The following CALN1 variants were observed in gnomAD, a reference collection of about 807,000 sequenced individuals.
The protein encoded by CALN1 is calneuron 1.
Under a neutral mutation model 30.6 loss-of-function variants are expected in CALN1, and 17 were observed. That is an observed-to-expected ratio of 0.56 (90% CI 0.38 to 0.83). The LOEUF (loss-of-function observed/expected upper bound fraction) is 0.83. CALN1 is among the 40% of genes least tolerant of loss of function. CALN1 has a pLI of 0.00. For missense variants in CALN1, 291 were observed against 354.9 expected, an observed-to-expected ratio of 0.82 and a Z score of 1.45; for synonymous variants, 156 against 131.4, an observed-to-expected ratio of 1.19 and a Z score of -1.28.
chr7:72,175,089 T>C (rs908766694), intron 3 of CALN1, among the ~76,000 whole-genome samples: 2 of 152,074 alleles, frequency 1.3e-5, no homozygotes, highest in Non-Finnish European at 2.9e-5. Flanking sequence ...TTTTTTTTTT[T>C]TTGAGACAGA....
At chr7:72,071,968 T>G (rs1804425899) in intron 4 of CALN1, among the ~76,000 whole-genome samples, 1 of 152,034 alleles carries the variant, frequency 6.6e-6, no homozygotes, top group Admixed American at 6.6e-5. Context: ...TAAAGGAAAT[T>G]ATCACTTCTT....
intron 4 of CALN1, among the ~76,000 whole-genome samples, chr7:72,090,070 G>A (rs1805749131): frequency 6.6e-6 from 1 of 152,172 alleles, no homozygotes; most frequent in African/African-American, 2.4e-5. Context: ...GGCCAAGGTG[G>A]GCAGATCGCT....
At chr7:71,798,916 G>A (rs549165326) in intron 6 of CALN1, among the ~76,000 whole-genome samples, 7 of 152,182 alleles carry the variant, frequency 4.6e-5, no homozygotes, top group Admixed American at 2.0e-4. Flanking sequence ...GAGCCACCAC[G>A]CCCAGCTGAG....
intron 4 of CALN1, among the ~76,000 whole-genome samples, chr7:72,047,368 G>T (rs993206194): frequency 6.6e-6 from 1 of 152,092 alleles, no homozygotes; most frequent in African/African-American, 2.4e-5. Context: ...GGAGATCGAG[G>T]TGAGAGGCTG....
At position 71,819,691 on chromosome 7, in the gene CALN1, TTTTG is replaced by T. The variant is rs372907166; in HGVS notation, c.502-9203_502-9200del. ...CAAACCCAACAACCACCACTCTATT[TTTTG>T]TTTCTCTGTGTCTTTGACTTTTTTA... On this transcript the variant is annotated intron_variant, in intron 5 of 6. Coordinates refer to ENST00000395275, the MANE Select transcript of CALN1 (RefSeq NM_031468.4). 3.7e-3 allele frequency among the ~76,000 whole-genome samples: 556 copies of T among 152,304 alleles called. 4 individuals are homozygous for T. The highest frequency in any genetic ancestry group is 0.012 in the African/African-American group (517 of 41,576).
chr7:72,108,005 A>G, intron 3 of CALN1, among the ~76,000 whole-genome samples: 1 of 152,208 alleles, frequency 6.6e-6, no homozygotes, highest in Non-Finnish European at 1.5e-5. Flanking sequence ...TTGGTGATTT[A>G]AGACAATAGA....
At chr7:71,951,689 T>G (rs1352925546) in intron 5 of CALN1, among the ~76,000 whole-genome samples, 3 of 152,222 alleles carry the variant, frequency 2.0e-5, no homozygotes, top group Non-Finnish European at 4.4e-5. Context: ...AGGAGTCTGG[T>G]CTGCTATAGC....
intron 5 of CALN1, among the ~76,000 whole-genome samples, chr7:71,898,523 G>A (rs576093758): frequency 5.9e-5 from 9 of 152,214 alleles, no homozygotes; most frequent in African/African-American, 1.7e-4. Context: ...CTGACATAAG[G>A]TTTATTCCAG....
intron 5 of CALN1, among the ~76,000 whole-genome samples, chr7:71,814,635 ACACCT>A (rs1788152376): frequency 1.3e-5 from 2 of 152,056 alleles, no homozygotes; most frequent in Admixed American, 1.3e-4. Context: ...AGCAAGACCA[ACACCT>A]CCTCTTCCTC....
Position 72,162,643 on chromosome 7 carries a change from G to A in CALN1, c.245-56349C>T, listed in dbSNP as rs530269637. 3.9e-5 allele frequency among the ~76,000 whole-genome samples: 6 copies of A among 152,210 alleles called. No homozygotes were observed. In the East Asian group the frequency reaches 1.2e-3, roughly 29 times the overall value. On this transcript the variant is annotated intron_variant, in intron 3 of 6. Transcript: ENST00000395275. ...AATCCTAGCTACTCAGGAGGCCGAG[G>A]CAAGAGAATCACTTGAGCCTGGGAG...
chr7:71,945,801 A>T (rs1796376934), intron 5 of CALN1, among the ~76,000 whole-genome samples: 1 of 152,174 alleles, frequency 6.6e-6, no homozygotes, highest in East Asian at 1.9e-4. Flanking sequence ...ATATATTACA[A>T]TGTAATAATA....
At chr7:71,924,247 AAG>A (rs1795140830) in intron 5 of CALN1, among the ~76,000 whole-genome samples, 2 of 63,986 alleles carry the variant, frequency 3.1e-5, no homozygotes, top group African/African-American at 4.8e-5. Flanking sequence ...CTTTTTAAAA[AAG>A]ATTAGGATTT....
chr7:71,851,371 T>A (rs1790637137), intron 5 of CALN1, among the ~76,000 whole-genome samples: 2 of 151,086 alleles, frequency 1.3e-5, no homozygotes, highest in South Asian at 4.2e-4. Flanking sequence ...ATACAAAAAT[T>A]AGCCAGGCAT....
intron 2 of CALN1, among the ~76,000 whole-genome samples, chr7:72,279,031 C>T (rs1440842736): frequency 6.6e-6 from 1 of 152,170 alleles, no homozygotes; most frequent in African/African-American, 2.4e-5. Context: ...CATCTTACTT[C>T]ATTTTCCCCA....
chr7:72,386,381 G>T (rs1385656117), intron 2 of CALN1, among the ~76,000 whole-genome samples: 1 of 152,192 alleles, frequency 6.6e-6, no homozygotes, highest in Admixed American at 6.5e-5. Flanking sequence ...TTTGGAAATG[G>T]CTGGGTTCTA....
intron 2 of CALN1, among the ~76,000 whole-genome samples, chr7:72,386,033 A>G (rs750022094): frequency 4.6e-5 from 7 of 152,220 alleles, no homozygotes; most frequent in Non-Finnish European, 8.8e-5. Context: ...TGAAAAGGCT[A>G]CCTACTGTAT....
chr7:72,330,543 T>C, intron 2 of CALN1, among the ~76,000 whole-genome samples: 1 of 151,938 alleles, frequency 6.6e-6, no homozygotes, highest in African/African-American at 2.4e-5. Context: ...TCTGTCTCAA[T>C]TATATCCTCC....
intron 3 of CALN1, among the ~76,000 whole-genome samples, chr7:72,115,892 T>C (rs1807951251): frequency 6.6e-6 from 1 of 152,042 alleles, no homozygotes; most frequent in Non-Finnish European, 1.5e-5. Context: ...TTTTTTTAGC[T>C]CCCATATATG....
chr7:72,185,436 A>G (rs576544328), intron 3 of CALN1, among the ~76,000 whole-genome samples: 140 of 152,328 alleles, frequency 9.2e-4, no homozygotes, highest in African/African-American at 3.1e-3. Flanking sequence ...AGGCCCTGGG[A>G]TTCGCAGAGG....
Sources: allele counts gnomAD v4.1 joint callset (sites outside exome capture counted in the v4.1 genomes callset), GRCh38; gene constraint gnomAD v4.1.1; transcripts MANE v1.5; gene names NCBI Gene and HGNC (gene_info 2026-07-23, HGNC 2026-07-21).